DLG2: variants seen among roughly 807,000 people sequenced by gnomAD.
DLG2 encodes discs large MAGUK scaffold protein 2.
A neutral mutation model predicts 132.5 loss-of-function variants in DLG2; 45 were observed. That is an observed-to-expected ratio of 0.34 (90% CI 0.27 to 0.44). DLG2 has a LOEUF of 0.44. Among genes scored for constraint, DLG2 ranks in the 20% least tolerant of loss-of-function variants. The pLI, the probability that DLG2 is intolerant of heterozygous loss-of-function variation, is 1.00. For missense variants in DLG2, 1,045 were observed against 1,196.9 expected (o/e 0.87, Z 1.87); for synonymous variants, 424 against 419.6 (o/e 1.01, Z -0.13).
At chr11:83,815,206 T>G (rs2048511567) in intron 17 of DLG2, 1 of 153,360 alleles carries the variant, frequency 6.5e-6, no homozygotes, top group Admixed American at 6.5e-5. Context: ...TAATCTTTGC[T>G]GGAAGCACTA....
intron 2 of DLG2, among the ~76,000 whole-genome samples, chr11:85,620,081 G>A (rs1333529139): frequency 6.6e-6 from 1 of 152,138 alleles, no homozygotes; most frequent in Non-Finnish European, 1.5e-5. Context: ...TTTTCCACAG[G>A]ATATATTCAC....
In DLG2 at chr11:84,568,247, G is replaced by A. The variant is rs369839840; in HGVS notation, c.358-33516C>T. ...CCTCTGGCTGAGTACGTTGGCTCAC[G>A]CCTGTAATCCCAGCATTTTGGGAGG... On this transcript the variant is annotated intron_variant, in intron 6 of 27. Coordinates refer to ENST00000376104, the MANE Select transcript of DLG2 (RefSeq NM_001142699.3). 1.8e-4 allele frequency among the ~76,000 whole-genome samples: 27 copies of A among 152,314 alleles called. 1 individual carries two copies. The East Asian group carries it at 2.5e-3, about 14-fold the overall frequency.
intron 12 of DLG2, among the ~76,000 whole-genome samples, chr11:83,971,978 TTAACTC>T (rs1316561513): frequency 6.6e-6 from 1 of 152,104 alleles, no homozygotes; most frequent in Non-Finnish European, 1.5e-5. Context: ...TAGAGCAAAA[TTAACTC>T]TAAATGAGCA....
chr11:83,905,836 G>A (rs892677861), intron 15 of DLG2, among the ~76,000 whole-genome samples: 1 of 152,024 alleles, frequency 6.6e-6, no homozygotes, highest in Non-Finnish European at 1.5e-5. Context: ...TCAACATACT[G>A]TTATGCAGCT....
At chr11:84,856,414 T>G (rs1314629771) in intron 6 of DLG2, among the ~76,000 whole-genome samples, 1 of 152,076 alleles carries the variant, frequency 6.6e-6, no homozygotes, top group Admixed American at 6.6e-5. Flanking sequence ...CTTCCTTCCT[T>G]GTGTTGTACC....
intron 5 of DLG2, among the ~76,000 whole-genome samples, chr11:85,142,659 T>G (rs985905232): frequency 1.3e-5 from 2 of 151,806 alleles, no homozygotes; most frequent in Admixed American, 1.3e-4. Flanking sequence ...GAGAAAAGGC[T>G]TTTAATTTTT....
At chr11:84,983,858 A>C (rs140153212) in intron 6 of DLG2, among the ~76,000 whole-genome samples, 189 of 152,316 alleles carry the variant, frequency 1.2e-3, no homozygotes, top group African/African-American at 4.4e-3. Context: ...AATGCTCTGG[A>C]AAGTCTCAGC....
chr11:83,686,939 G>A (rs1013616340), intron 18 of DLG2, among the ~76,000 whole-genome samples: 20 of 152,240 alleles, frequency 1.3e-4, no homozygotes, highest in African/African-American at 4.6e-4. Flanking sequence ...GTTAAGATGA[G>A]GTCACACTGG....
chr11:85,358,857 G>C (rs1279367665), intron 3 of DLG2, among the ~76,000 whole-genome samples: 1 of 152,114 alleles, frequency 6.6e-6, no homozygotes, highest in Non-Finnish European at 1.5e-5. Flanking sequence ...ACAACTTCTT[G>C]TTGGCTTCCT....
intron 7 of DLG2, among the ~76,000 whole-genome samples, chr11:84,341,170 C>T (rs1156954297): frequency 3.3e-5 from 5 of 152,032 alleles, no homozygotes; most frequent in Non-Finnish European, 7.4e-5. Context: ...TCAATTTCCT[C>T]ATTATTGGGG....
chr11:85,394,111 C>G (rs111840553), intron 3 of DLG2, among the ~76,000 whole-genome samples: 23 of 152,286 alleles, frequency 1.5e-4, no homozygotes, highest in African/African-American at 4.8e-4. Flanking sequence ...CAGCAGAAGA[C>G]AGGTTGTCTG....
intron 3 of DLG2, among the ~76,000 whole-genome samples, chr11:85,293,110 A>C (rs771098058): frequency 3.9e-5 from 6 of 152,318 alleles, no homozygotes; most frequent in Admixed American, 6.5e-5. Context: ...ATTAATGATT[A>C]AATGGGGGAG....
intron 4 of DLG2, among the ~76,000 whole-genome samples, chr11:85,276,990 C>T (rs1006268480): frequency 9.9e-5 from 15 of 152,082 alleles, no homozygotes; most frequent in South Asian, 2.1e-4. Context: ...TTAGAAAATT[C>T]GTGATTGATA....
intron 6 of DLG2, among the ~76,000 whole-genome samples, chr11:84,587,145 A>G (rs1040034237): frequency 1.4e-4 from 22 of 152,238 alleles, no homozygotes; most frequent in Admixed American, 1.3e-3. Flanking sequence ...GCAATTTGAG[A>G]GGAAAAATCC....
intron 4 of DLG2, among the ~76,000 whole-genome samples, chr11:85,273,547 A>G (rs1398822317): frequency 6.6e-6 from 1 of 152,210 alleles, no homozygotes; most frequent in Non-Finnish European, 1.5e-5. Flanking sequence ...AACCAAAACC[A>G]CAATGAGATA....
chr11:84,468,490 A>T (rs2154488722), intron 7 of DLG2, among the ~76,000 whole-genome samples: 1 of 151,606 alleles, frequency 6.6e-6, no homozygotes, highest in Admixed American at 6.6e-5. Flanking sequence ...TGCTGCAATG[A>T]TTTAACACAC....
At chr11:85,021,238 C>G (rs56150628) in intron 6 of DLG2, 5 of 1,282,972 alleles carry the variant, frequency 3.9e-6, no homozygotes, top group East Asian at 2.3e-5. Flanking sequence ...CACTACAGCC[C>G]GAGCAATAGG....
At chr11:83,702,008 AG>A (rs1412160737) in intron 18 of DLG2, among the ~76,000 whole-genome samples, 1 of 152,264 alleles carries the variant, frequency 6.6e-6, no homozygotes, top group Non-Finnish European at 1.5e-5. Context: ...TTATTATAGT[AG>A]AAAGATAATT....
At chr11:83,986,868 G>T (rs922284053) in intron 11 of DLG2, among the ~76,000 whole-genome samples, 1 of 152,158 alleles carries the variant, frequency 6.6e-6, no homozygotes, top group Non-Finnish European at 1.5e-5. Flanking sequence ...CTTTTGAGAA[G>T]TGTCTGTTCA....
Sources: gnomAD v4.1 joint callset for allele counts (sites outside exome capture counted in the v4.1 genomes callset) on GRCh38, gnomAD v4.1.1 for gene constraint, MANE v1.5 for transcripts, NCBI Gene and HGNC (gene_info 2026-07-23, HGNC 2026-07-21) for gene names.